The following CDKAL1 variants were observed in gnomAD, a reference collection of about 807,000 sequenced individuals.
CDKAL1 encodes threonylcarbamoyladenosine tRNA methylthiotransferase.
In CDKAL1, 32 loss-of-function variants were observed where a neutral mutation model predicts 68.2. The ratio of observed to expected loss-of-function variants is 0.47; its 90% CI spans 0.35 to 0.63. The LOEUF (loss-of-function observed/expected upper bound fraction) is 0.63, where lower values mean the gene tolerates loss of function less well. Ranked by LOEUF, CDKAL1 falls within the 30% of genes least tolerant of loss-of-function variation. CDKAL1 has a pLI of 0.00. For synonymous variants in CDKAL1, 234 were observed against 244.3 expected, an observed-to-expected ratio of 0.96 and a Z score of 0.39; for missense variants, 606 against 696.7, an observed-to-expected ratio of 0.87 and a Z score of 1.47.
chr6:20,834,256 G>C (rs1581668643), intron 8 of CDKAL1, among the ~76,000 whole-genome samples: 1 of 152,136 alleles, frequency 6.6e-6, no homozygotes, highest in African/African-American at 2.4e-5. Flanking sequence ...TTAATTGAAA[G>C]GCCAATACCA....
At chr6:20,771,180 C>CATGT (rs1401542436) in intron 7 of CDKAL1, among the ~76,000 whole-genome samples, 1 of 152,182 alleles carries the variant, frequency 6.6e-6, no homozygotes, top group East Asian at 1.9e-4. Flanking sequence ...TTCAGTTATG[C>CATGT]ATGTACATTA....
At chr6:20,965,341 G>A (rs1277796131) in intron 10 of CDKAL1, among the ~76,000 whole-genome samples, 1 of 145,556 alleles carries the variant, frequency 6.9e-6, no homozygotes, top group Non-Finnish European at 1.5e-5. Flanking sequence ...GGAGGGGAGG[G>A]GAGGGAAGAG....
At chr6:20,622,042 G>T (rs1466855650) in intron 4 of CDKAL1, among the ~76,000 whole-genome samples, 2 of 152,072 alleles carry the variant, frequency 1.3e-5, no homozygotes, top group African/African-American at 2.4e-5. Flanking sequence ...GTGTCTCTAT[G>T]AAGTTAAACA....
intron 13 of CDKAL1, among the ~76,000 whole-genome samples, chr6:21,141,128 C>G (rs921526944): frequency 2.6e-5 from 4 of 152,298 alleles, no homozygotes; most frequent in Non-Finnish European, 5.9e-5. Flanking sequence ...AACCATATCA[C>G]TACACAAGCC....
chr6:20,600,795 C>T (rs1301033066), intron 4 of CDKAL1, among the ~76,000 whole-genome samples: 155 of 123,528 alleles, frequency 1.3e-3, no homozygotes, highest in African/African-American at 4.2e-3. Flanking sequence ...TATACACACA[C>T]ACACATGAAT....
intron 9 of CDKAL1, among the ~76,000 whole-genome samples, chr6:20,943,894 C>A (rs1341396676): frequency 6.6e-6 from 1 of 152,078 alleles, no homozygotes; most frequent in Non-Finnish European, 1.5e-5. Flanking sequence ...CGAACCCAGC[C>A]TGGGCAAAAT....
intron 4 of CDKAL1, among the ~76,000 whole-genome samples, chr6:20,638,484 G>A (rs1581870792): frequency 6.6e-6 from 1 of 152,166 alleles, no homozygotes; most frequent in African/African-American, 2.4e-5. Context: ...TGGGCCTGGT[G>A]AGCAGTAGTT....
intron 12 of CDKAL1, among the ~76,000 whole-genome samples, chr6:21,075,877 A>G (rs1458394018): frequency 6.6e-6 from 1 of 152,150 alleles, no homozygotes; most frequent in Non-Finnish European, 1.5e-5. Context: ...AATTATTGTG[A>G]AATCTTTATA....
intron 5 of CDKAL1, among the ~76,000 whole-genome samples, chr6:20,678,155 G>A (rs567736760): frequency 2.6e-5 from 4 of 150,972 alleles, no homozygotes; most frequent in Admixed American, 6.6e-5. Flanking sequence ...TATGGAGAAT[G>A]TATAGGTCTG....
chr6:21,159,515 G>A (rs1267366803), intron 13 of CDKAL1, among the ~76,000 whole-genome samples: 2 of 152,166 alleles, frequency 1.3e-5, no homozygotes, highest in African/African-American at 2.4e-5. Context: ...TTTTATATGT[G>A]TGTGATTATT....
At chr6:20,752,691 C>T (rs1773979355) in intron 6 of CDKAL1, among the ~76,000 whole-genome samples, 1 of 152,132 alleles carries the variant, frequency 6.6e-6, no homozygotes, top group African/African-American at 2.4e-5. Flanking sequence ...AAGTGAGTTG[C>T]AACCATGATG....
intron 8 of CDKAL1, among the ~76,000 whole-genome samples, chr6:20,801,845 A>T (rs529032440): frequency 6.6e-6 from 1 of 152,202 alleles, no homozygotes; most frequent in South Asian, 2.1e-4. Context: ...CTTTGTCCCT[A>T]TAGTGATGGA....
intron 4 of CDKAL1, among the ~76,000 whole-genome samples, chr6:20,607,474 A>G (rs1311989281): frequency 6.6e-6 from 1 of 152,186 alleles, no homozygotes; most frequent in Non-Finnish European, 1.5e-5. Context: ...CTTTTTCCCA[A>G]ATAAAATCAT....
chr6:20,553,963 G>C (rs1175343817), intron 4 of CDKAL1, among the ~76,000 whole-genome samples: 1 of 151,126 alleles, frequency 6.6e-6, no homozygotes, highest in African/African-American at 2.4e-5. Flanking sequence ...GGGATTACAG[G>C]TGTGCGGTAC....
intron 9 of CDKAL1, among the ~76,000 whole-genome samples, chr6:20,942,606 A>T (rs1249854291): frequency 6.7e-6 from 1 of 149,682 alleles, no homozygotes; most frequent in Non-Finnish European, 1.5e-5. Flanking sequence ...ACCTCAGGTG[A>T]TCTGCCTGCC....
At chr6:20,845,967 GCAAATGTTTC>G in intron 8 of CDKAL1, 98 bp from the exon 9 acceptor site, 4 of 639,612 alleles carry the variant, frequency 6.3e-6, no homozygotes, top group Non-Finnish European at 1.1e-5. Context: ...TATAAACCAA[GCAAATGTTTC>G]TGAAAGAGCA....
chr6:20,767,214 G>GA (rs1162673869), intron 7 of CDKAL1, among the ~76,000 whole-genome samples: 2 of 151,970 alleles, frequency 1.3e-5, no homozygotes, highest in Non-Finnish European at 2.9e-5. Flanking sequence ...TAAAGTTAGA[G>GA]AAAAAAATAG....
intron 2 of CDKAL1, among the ~76,000 whole-genome samples, chr6:20,542,354 G>A (rs1443218340): frequency 1.3e-5 from 2 of 152,208 alleles, no homozygotes; most frequent in African/African-American, 4.8e-5. Flanking sequence ...CACACAGTGC[G>A]TGGGCTTGGA....
intron 4 of CDKAL1, among the ~76,000 whole-genome samples, chr6:20,598,091 G>A (rs1422062898): frequency 6.6e-6 from 1 of 152,076 alleles, no homozygotes; most frequent in African/African-American, 2.4e-5. Context: ...GTTATAGTGC[G>A]GACATGATAG....
Sources: gnomAD v4.1 joint callset for allele counts (sites outside exome capture counted in the v4.1 genomes callset) on GRCh38, gnomAD v4.1.1 for gene constraint, MANE v1.5 for transcripts, NCBI Gene and HGNC (gene_info 2026-07-23, HGNC 2026-07-21) for gene names.